Variants in LINC00632 observed in about 807,000 individuals in gnomAD.
The protein encoded by LINC00632 is long independently transcribed non-coding RNA 632.
chrX:140,783,969 AG>A, exon 5 of LINC00632: 1 of 1,210,545 alleles, frequency 8.3e-7, no homozygotes. Flanking sequence ...AATGGCCTCC[AG>A]GTCTTCCAGA....
chrX:140,754,027 G>T (rs1931455347), intron 3 of LINC00632, among the ~76,000 whole-genome samples: 1 of 111,349 alleles, frequency 9.0e-6, no homozygotes, highest in African/African-American at 3.3e-5. Flanking sequence ...GCCCACCTTG[G>T]CCTCCCAAAG....
At chrX:140,752,999 T>C (rs1253625274) in intron 3 of LINC00632, among the ~76,000 whole-genome samples, 1 of 112,110 alleles carries the variant, frequency 8.9e-6, no homozygotes, top group Admixed American at 9.5e-5. Flanking sequence ...TAACATAAAA[T>C]GTAAAGTTTC....
At chrX:140,779,455 T>C (rs1311481253) in exon 5 of LINC00632, among the ~76,000 whole-genome samples, 3 of 112,029 alleles carry the variant, frequency 2.7e-5, no homozygotes, top group African/African-American at 9.7e-5. Context: ...TTTGACAGTA[T>C]ATATAGTCTA....
chrX:140,709,800 C>G (rs772564000), exon 1 of LINC00632: 35 of 339,082 alleles, frequency 1.0e-4, no homozygotes, highest in Admixed American at 6.6e-4. Flanking sequence ...AGACAGCATG[C>G]CACTGGTAAG....
chrX:140,742,647 GTA>G (rs1259976603), intron 3 of LINC00632, among the ~76,000 whole-genome samples: 1 of 110,501 alleles, frequency 9.0e-6, no homozygotes, highest in Non-Finnish European at 1.9e-5. Context: ...TAAAGAGAGA[GTA>G]TGCATTCAGG....
chrX:140,766,598 A>C (rs192279953), intron 3 of LINC00632, among the ~76,000 whole-genome samples: 2 of 112,382 alleles, frequency 1.8e-5, no homozygotes, highest in Admixed American at 1.9e-4. Flanking sequence ...GGAAGAATGA[A>C]AACTGGGATA....
At chrX:140,769,665 G>A (rs747005853) in intron 3 of LINC00632, among the ~76,000 whole-genome samples, 1 of 111,228 alleles carries the variant, frequency 9.0e-6, no homozygotes, top group African/African-American at 3.3e-5. Flanking sequence ...AGCCCTTTAT[G>A]ATTTGCCTCA....
exon 4 of LINC00632, chrX:140,772,079 T>A (rs1057440410): frequency 1.0e-5 from 3 of 291,439 alleles, no homozygotes; most frequent in Non-Finnish European, 1.8e-5. Context: ...TTTTCCTAGA[T>A]GGTGTGCTTC....
At chrX:140,784,185 G>A (rs866031062) in exon 5 of LINC00632, 52 of 1,208,086 alleles carry the variant, frequency 4.3e-5, no homozygotes, top group Non-Finnish European at 5.5e-5. Flanking sequence ...CAGGAAATCC[G>A]TGTCTTCCAG....
At chrX:140,784,956 G>A (rs1931995512) in exon 5 of LINC00632, 1 of 122,928 alleles carries the variant, frequency 8.1e-6, no homozygotes, top group Non-Finnish European at 1.9e-5. Context: ...TAAAACTTCT[G>A]CAGAATAAAC....
At chrX:140,753,978 G>A (rs1368830053) in intron 3 of LINC00632, among the ~76,000 whole-genome samples, 1 of 110,779 alleles carries the variant, frequency 9.0e-6, no homozygotes, top group Non-Finnish European at 1.9e-5. Flanking sequence ...GTTTCACCAT[G>A]TTGGCCAAGA....
rs138934414 is a variant in LINC00632 at position 140,728,450 on chromosome X, T to C, written n.105-5428T>C. Among the ~76,000 whole-genome samples, 17 of 109,270 alleles carry C rather than the reference T, an allele frequency of 1.6e-4. No individual in the cohort carries two copies. The East Asian group carries it at 4.7e-3, about 30-fold the overall frequency. 94.9% of individuals were successfully genotyped at this position (109,270 alleles called of 115,157 possible). A position where few individuals can be genotyped will look rare whatever the true frequency, so the allele number is the denominator to read the frequency against. On this transcript the variant is annotated intron_variant and non_coding_transcript_variant, in intron 2 of 4. Coordinates refer to ENST00000648200, the Ensembl canonical transcript of LINC00632. ...TGCAAATGCCCCACAAAAAACCATG[T>C]GCCCCCCAACACCCAGAATTACCCC...
chrX:140,758,632 A>G (rs1490043555), intron 3 of LINC00632, among the ~76,000 whole-genome samples: 3 of 110,942 alleles, frequency 2.7e-5, no homozygotes, highest in Non-Finnish European at 5.7e-5. Flanking sequence ...CCCGCCTTGG[A>G]CTCCCAAAGT....
chrX:140,711,425 G>T (rs1331379502), intron 1 of LINC00632, among the ~76,000 whole-genome samples: 1 of 111,290 alleles, frequency 9.0e-6, no homozygotes, highest in Non-Finnish European at 1.9e-5. Flanking sequence ...TATATATTGG[G>T]AGCAATTCCC....
Position 140,788,289 on chromosome X carries a change from CATT to C in LINC00632, n.16315_16317del, listed in dbSNP as rs1262551737. On this transcript the variant is annotated non_coding_transcript_exon_variant, in exon 5 of 5. Transcript: ENST00000648200. ...TGGTGTCATTATGTAATTGAAATCC[CATT>C]ATTATTTAATAATTTTATGATTATT... Among the ~76,000 whole-genome samples the C allele has an allele frequency of 1.0e-4, 11 of 109,820 alleles. No homozygotes were observed. The East Asian group carries it at 1.1e-3, about 11-fold the overall frequency.
At chrX:140,751,054 G>T (rs781324269) in intron 3 of LINC00632, among the ~76,000 whole-genome samples, 2 of 111,457 alleles carry the variant, frequency 1.8e-5, no homozygotes, top group Non-Finnish European at 3.8e-5. Context: ...TCATATTTTT[G>T]CAATTGTGAA....
exon 5 of LINC00632, among the ~76,000 whole-genome samples, chrX:140,781,554 C>CATCTCCTAT (rs1353411580): frequency 8.1e-5 from 9 of 111,590 alleles, no homozygotes; most frequent in African/African-American, 2.9e-4. Flanking sequence ...TTGCCAGTTT[C>CATCTCCTAT]ATCTCCTATC....
chrX:140,776,839 CAT>C (rs1183978083), exon 5 of LINC00632, among the ~76,000 whole-genome samples: 1 of 111,387 alleles, frequency 9.0e-6, no homozygotes, highest in East Asian at 2.8e-4. Context: ...GACATGCACA[CAT>C]ATGTTTGTTG....
At chrX:140,767,075 T>C (rs755170443) in intron 3 of LINC00632, among the ~76,000 whole-genome samples, 2 of 111,780 alleles carry the variant, frequency 1.8e-5, no homozygotes, top group African/African-American at 6.5e-5. Context: ...TAGGATGATT[T>C]TGAGCAGTTA....
Sources: allele counts gnomAD v4.1 joint callset (sites outside exome capture counted in the v4.1 genomes callset), GRCh38; gene constraint gnomAD v4.1.1; transcripts MANE v1.5; gene names NCBI Gene and HGNC (gene_info 2026-07-23, HGNC 2026-07-21).